TLR7: variants seen among roughly 807,000 people sequenced by gnomAD.
The protein encoded by TLR7 is toll like receptor 7.
A neutral mutation model predicts 38.3 loss-of-function variants in TLR7; 12 were observed. The ratio of observed to expected loss-of-function variants is 0.31; its 90% CI spans 0.20 to 0.51. The LOEUF is 0.51. Among genes scored for constraint, TLR7 ranks in the 20% least tolerant of loss-of-function variants. The probability of loss-of-function intolerance (pLI) is 0.98; values close to 1 mark genes in which losing one functional copy is unlikely to be tolerated. For missense variants in TLR7, 504 were observed against 743.4 expected (o/e 0.68, Z 3.74); for synonymous variants, 285 against 293.8 (o/e 0.97, Z 0.31).
chrX:12,870,659 G>T (rs1016053892), intron 2 of TLR7, among the ~76,000 whole-genome samples: 8 of 110,560 alleles, frequency 7.2e-5, no homozygotes, highest in South Asian at 3.8e-4. Context: ...GAGCTAAGGG[G>T]TTTTTTTTTA....
At position 12,886,320 on chromosome X, in the gene TLR7, C is replaced by T. The variant is rs141848808; in HGVS notation, c.812C>T (p.Ala271Val). 1.3e-5 allele frequency: 16 copies of T among 1,209,907 alleles called. No individual in the cohort carries two copies. The African/African-American group carries it at 1.6e-4, about 12-fold the overall frequency. The change falls in exon 3 of 3, where the codon GCG becomes GTG. Residue 271 changes from alanine (A) to valine (V), a missense_variant. Coordinates refer to ENST00000380659, the MANE Select transcript of TLR7 (RefSeq NM_016562.4). ...TGTTATAATGCCCCATTTCCTTGTG[C>T]GCCGTGTAAAAATAATTCTCCCCTA... Reference protein sequence around the residue: ...PRCYNAPFPCAPCKNNSPLQI... With the variant: ...PRCYNAPFPCVPCKNNSPLQI...
chrX:12,873,662 G>A (rs2042860914), intron 2 of TLR7, among the ~76,000 whole-genome samples: 1 of 111,998 alleles, frequency 8.9e-6, no homozygotes, highest in Admixed American at 9.4e-5. Flanking sequence ...TCCCAGGGAA[G>A]GCCCCTTTAT....
At position 12,886,183 on chromosome X, in the gene TLR7, T is replaced by C. The variant is rs1015745736; in HGVS notation, c.675T>C (p.Ser225=). 1.5e-5 allele frequency: 18 copies of C among 1,209,855 alleles called. No individual in the cohort carries two copies. The African/African-American group carries it at 2.8e-4, about 19-fold the overall frequency. The change falls in exon 3 of 3, where the codon TCT becomes TCC. Residue 225 remains serine, a synonymous_variant. Coordinates refer to ENST00000380659, the MANE Select transcript of TLR7 (RefSeq NM_016562.4). ...CAGCCGTCCCTACTGTTTTGCCATC[T>C]ACTTTAACAGAACTATATCTCTACA... ...NVTAVPTVLP[S]TLTELYLYNN...
intron 1 of TLR7, 103 bp from the exon 2 acceptor site, chrX:12,867,378 G>C: frequency 2.7e-6 from 1 of 371,230 alleles, no homozygotes; most frequent in Admixed American, 4.1e-5. Flanking sequence ...ACTGTAAATA[G>C]ATGTTTCAAA....
chrX:12,881,608 T>A (rs2042892841), intron 2 of TLR7, among the ~76,000 whole-genome samples: 1 of 109,022 alleles, frequency 9.2e-6, no homozygotes, highest in African/African-American at 3.3e-5. Context: ...TTTTTTTTAA[T>A]AATTCCACTT....
At chrX:12,873,471 G>C (rs576235762) in intron 2 of TLR7, among the ~76,000 whole-genome samples, 1 of 112,193 alleles carries the variant, frequency 8.9e-6, no homozygotes, top group African/African-American at 3.2e-5. Context: ...CATGTTGCAG[G>C]CATCAATAAA....
intron 2 of TLR7, among the ~76,000 whole-genome samples, chrX:12,876,466 G>A (rs1017988802): frequency 1.8e-5 from 2 of 112,151 alleles, no homozygotes; most frequent in Non-Finnish European, 3.8e-5. Flanking sequence ...TCAACAATGA[G>A]TCTGAATCTT....
intron 2 of TLR7, among the ~76,000 whole-genome samples, chrX:12,879,920 A>T (rs1455757947): frequency 8.9e-6 from 1 of 112,176 alleles, no homozygotes; most frequent in Non-Finnish European, 1.9e-5. Flanking sequence ...AAGAATTGAG[A>T]GTATCAAAAT....
chrX:12,878,787 A>G (rs1261858786), intron 2 of TLR7, among the ~76,000 whole-genome samples: 1 of 111,320 alleles, frequency 9.0e-6, no homozygotes, highest in Non-Finnish European at 1.9e-5. Flanking sequence ...GGAAGGCCAC[A>G]CTCTTCAATC....
intron 2 of TLR7, among the ~76,000 whole-genome samples, chrX:12,872,069 C>T (rs1322770845): frequency 9.0e-6 from 1 of 111,116 alleles, no homozygotes; most frequent in Admixed American, 9.6e-5. Flanking sequence ...CACTCTACTT[C>T]TCCATCCAGA....
intron 2 of TLR7, among the ~76,000 whole-genome samples, chrX:12,873,184 G>A (rs981457165): frequency 3.6e-5 from 4 of 111,908 alleles, no homozygotes; most frequent in African/African-American, 1.3e-4. Context: ...GTCTGTTATG[G>A]ATGACTTTGT....
chrX:12,880,683 T>C (rs1025159351), intron 2 of TLR7, among the ~76,000 whole-genome samples: 1 of 111,634 alleles, frequency 9.0e-6, no homozygotes, highest in Non-Finnish European at 1.9e-5. Flanking sequence ...CTTTCATTCA[T>C]GTATCTCACA....
intron 2 of TLR7, among the ~76,000 whole-genome samples, chrX:12,874,680 CAG>C (rs1197037005): frequency 8.9e-6 from 1 of 112,408 alleles, no homozygotes; most frequent in African/African-American, 3.2e-5. Flanking sequence ...CTGTAGCAGA[CAG>C]AGAGACTGAA....
chrX:12,880,870 T>C (rs942214567), intron 2 of TLR7, among the ~76,000 whole-genome samples: 1 of 111,124 alleles, frequency 9.0e-6, no homozygotes, highest in Non-Finnish European at 1.9e-5. Flanking sequence ...AACAGGGTAG[T>C]CAGTTACAGA....
chrX:12,888,743 C>A lies in TLR7; in HGVS notation c.*85C>A, dbSNP rs201277735. 1 of 1,021,736 alleles carries A rather than the reference C, an allele frequency of 9.8e-7. No individual in the cohort carries two copies. Among genetic ancestry groups the A allele is most frequent in the Non-Finnish European group, 1.3e-6 (1 of 766,183 alleles). 84.2% of individuals were successfully genotyped at this position (1,021,736 alleles called of 1,213,427 possible). On this transcript the variant is annotated 3_prime_UTR_variant, in exon 3 of 3. Transcript: ENST00000380659. ...GTTTTCATATATATCACACCAAAAG[C>A]GTGTTTTGAAATTCTTCAAGAAATG...
At chrX:12,880,752 C>A (rs776379459) in intron 2 of TLR7, among the ~76,000 whole-genome samples, 84 of 111,477 alleles carry the variant, frequency 7.5e-4, no homozygotes, top group Non-Finnish European at 1.4e-3. Flanking sequence ...CACAAGAGGC[C>A]CTACCCTCTT....
chrX:12,869,046 G>A (rs1213518716), intron 2 of TLR7, among the ~76,000 whole-genome samples: 1 of 111,469 alleles, frequency 9.0e-6, no homozygotes, highest in Non-Finnish European at 1.9e-5. Context: ...TAGAGATAAC[G>A]AAACTGGGGC....
At chrX:12,870,863 G>A (rs907769572) in intron 2 of TLR7, among the ~76,000 whole-genome samples, 1 of 112,012 alleles carries the variant, frequency 8.9e-6, no homozygotes, top group African/African-American at 3.2e-5. Context: ...AGAACCTGAT[G>A]GCCTGCAAAG....
Position 12,875,956 on chromosome X carries a change from A to AT in TLR7, c.3+8390dup, listed in dbSNP as rs60411052. 6.8e-3 allele frequency among the ~76,000 whole-genome samples: 649 copies of AT among 95,998 alleles called. 7 individuals are homozygous for AT. The highest frequency in any genetic ancestry group is 0.019 in the African/African-American group (502 of 25,987). The allele number at this position is 95,998 out of a possible 115,157, so 83.4% of individuals were successfully genotyped here. ...GTCCCACTCAAAACATAAACACACCATTTTTTTTTTTTTTTGTCTTGAGAC... is the reference window on the plus strand; with the variant it reads ...GTCCCACTCAAAACATAAACACACCATTTTTTTTTTTTTTTTGTCTTGAGAC... On this transcript the variant is annotated intron_variant, in intron 2 of 2. Coordinates refer to ENST00000380659, the MANE Select transcript of TLR7 (RefSeq NM_016562.4).
Sources: allele counts gnomAD v4.1 joint callset (sites outside exome capture counted in the v4.1 genomes callset), GRCh38; gene constraint gnomAD v4.1.1; transcripts MANE v1.5; gene names NCBI Gene and HGNC (gene_info 2026-07-23, HGNC 2026-07-21).